Variants in COL28A1 observed in about 807,000 individuals in gnomAD.
COL28A1 encodes collagen alpha-1(XXVIII) chain.
Under a neutral mutation model 150.2 loss-of-function variants are expected in COL28A1, and 161 were observed. That is an observed-to-expected ratio of 1.07 (90% CI 0.94 to 1.22). The LOEUF (loss-of-function observed/expected upper bound fraction) is 1.22, where lower values mean the gene tolerates loss of function less well. COL28A1 is among the 50% of genes most tolerant of loss of function. The pLI, the probability that COL28A1 is intolerant of heterozygous loss-of-function variation, is 0.00. For synonymous variants in COL28A1, 552 were observed against 469.7 expected, an observed-to-expected ratio of 1.18 and a Z score of -2.26; for missense variants, 1,617 against 1,388.3, an observed-to-expected ratio of 1.16 and a Z score of -2.62.
At chr7:7,370,939 A>G (rs1781195921) in intron 32 of COL28A1, 57 bp from the exon 33 acceptor site, 10 of 1,233,040 alleles carry the variant, frequency 8.1e-6, no homozygotes, top group Non-Finnish European at 1.2e-5. Context: ...AATACTTAAA[A>G]CTCATTTAAA....
intron 11 of COL28A1, among the ~76,000 whole-genome samples, chr7:7,504,286 C>T (rs1478048153): frequency 6.6e-6 from 1 of 151,890 alleles, no homozygotes; most frequent in Non-Finnish European, 1.5e-5. Flanking sequence ...TCCTTGAGGC[C>T]AGGCATTCCA....
intron 27 of COL28A1, among the ~76,000 whole-genome samples, chr7:7,408,185 A>G (rs576546320): frequency 3.0e-4 from 45 of 152,222 alleles, no homozygotes; most frequent in African/African-American, 1.1e-3. Context: ...CGCTCTGACA[A>G]TGTGAAAGTT....
intron 31 of COL28A1, among the ~76,000 whole-genome samples, chr7:7,374,278 T>C (rs984604971): frequency 1.3e-5 from 2 of 152,084 alleles, no homozygotes; most frequent in African/African-American, 4.8e-5. Context: ...TATTTCAGTC[T>C]TCAACCATAG....
In COL28A1 at chr7:7,532,811, G is replaced by C. The variant is rs763884053; in HGVS notation, c.65C>G (p.Ser22Cys). ...LLSAFTSQTV[S>C]GQRKKGPKSN... ...TTTTGGTCCTTTCTTTCTTTGTCCGGATACTGTTTGACTCGTAAACGCTGA... is the reference window on the plus strand; with the variant it reads ...TTTTGGTCCTTTCTTTCTTTGTCCGCATACTGTTTGACTCGTAAACGCTGA... The change falls in exon 2 of 35, where the codon TCC (serine) becomes TGC (cysteine). Residue 22 changes from serine to cysteine, a missense_variant. Coordinates refer to ENST00000399429, the MANE Select transcript of COL28A1 (RefSeq NM_001037763.3). 6.2e-7 allele frequency: 1 copy of C among 1,612,176 alleles called. No individual in the cohort carries two copies. The highest frequency in any genetic ancestry group is 8.5e-7 in the Non-Finnish European group (1 of 1,179,318).
At chr7:7,391,153 G>A (rs894695175) in intron 27 of COL28A1, among the ~76,000 whole-genome samples, 2 of 152,054 alleles carry the variant, frequency 1.3e-5, no homozygotes, top group Non-Finnish European at 2.9e-5. Flanking sequence ...TTTAGCTGTG[G>A]CTCAGAGATT....
chr7:7,432,738 A>C, intron 23 of COL28A1, 38 bp from the exon 24 acceptor site: 1 of 1,509,456 alleles, frequency 6.6e-7, no homozygotes, highest in Non-Finnish European at 9.2e-7. Context: ...CATGAGACTC[A>C]ACTAGAAAAC....
chr7:7,402,593 C>T (rs1205168263), intron 27 of COL28A1, among the ~76,000 whole-genome samples: 2 of 152,168 alleles, frequency 1.3e-5, no homozygotes, highest in East Asian at 3.8e-4. Flanking sequence ...GACACCAGTT[C>T]TATCAGGCAC....
chr7:7,354,706 G>C (rs1380751308), downstream of COL28A1, among the ~76,000 whole-genome samples: 1 of 152,090 alleles, frequency 6.6e-6, no homozygotes, highest in African/African-American at 2.4e-5. Flanking sequence ...AAAATATTGG[G>C]ACACTTCCAT....
intron 27 of COL28A1, among the ~76,000 whole-genome samples, chr7:7,391,958 T>C (rs896702599): frequency 6.6e-6 from 1 of 152,206 alleles, no homozygotes; most frequent in Non-Finnish European, 1.5e-5. Context: ...TCTGTGTCTT[T>C]TAATTGGGGC....
At chr7:7,444,223 A>G (rs1786062983) in intron 19 of COL28A1, among the ~76,000 whole-genome samples, 195 bp downstream of exon 19, 1 of 152,130 alleles carries the variant, frequency 6.6e-6, no homozygotes, top group Non-Finnish European at 1.5e-5. Flanking sequence ...AGAGGATGTG[A>G]GACACTATCT....
chr7:7,372,615 T>C (rs756405421), intron 32 of COL28A1, among the ~76,000 whole-genome samples: 1 of 152,094 alleles, frequency 6.6e-6, no homozygotes, highest in Non-Finnish European at 1.5e-5. Context: ...TTAATTCATT[T>C]TGATTTCCTG....
At position 7,377,503 on chromosome 7, in the gene COL28A1, T is replaced by A. The variant is rs563649337; in HGVS notation, c.2323-2006A>T. Among the ~76,000 whole-genome samples the A allele has an allele frequency of 3.5e-4, 53 of 152,268 alleles. 1 individual carries two copies. The highest frequency in any genetic ancestry group is 3.4e-3 in the Middle Eastern group (1 of 294). ...GACTGTGGTCCAAGGAGGCAGACTCTGACCAGGCTGGGACAGGGAAGGGGA... is the reference window on the plus strand; with the variant it reads ...GACTGTGGTCCAAGGAGGCAGACTCAGACCAGGCTGGGACAGGGAAGGGGA... On this transcript the variant is annotated intron_variant, in intron 30 of 34. Coordinates refer to ENST00000399429, the MANE Select transcript of COL28A1 (RefSeq NM_001037763.3).
At chr7:7,405,394 T>G (rs536874642) in intron 27 of COL28A1, among the ~76,000 whole-genome samples, 1 of 152,210 alleles carries the variant, frequency 6.6e-6, no homozygotes, top group Non-Finnish European at 1.5e-5. Context: ...TTTCTAAAAC[T>G]GGCATAATAA....
chr7:7,409,461 A>G (rs1583309041), intron 27 of COL28A1, among the ~76,000 whole-genome samples: 1 of 151,946 alleles, frequency 6.6e-6, no homozygotes, highest in African/African-American at 2.4e-5. Flanking sequence ...AAAAGGAGAG[A>G]AAAAAAACCA....
intron 32 of COL28A1, 70 bp from the exon 33 acceptor site, chr7:7,370,952 G>C (rs1002364213): frequency 9.8e-7 from 1 of 1,018,522 alleles, no homozygotes; most frequent in Non-Finnish European, 1.5e-6. Context: ...CATTTAAAAA[G>C]ATCTGCACTC....
intron 22 of COL28A1, among the ~76,000 whole-genome samples, chr7:7,436,814 C>A (rs182577613): frequency 4.3e-4 from 65 of 152,164 alleles, no homozygotes; most frequent in Non-Finnish European, 9.0e-4. Flanking sequence ...CCAAGGCAGG[C>A]GGGTCACTTG....
upstream of COL28A1, among the ~76,000 whole-genome samples, chr7:7,537,586 C>T (rs1405980797): frequency 6.6e-6 from 1 of 152,178 alleles, no homozygotes; most frequent in South Asian, 2.1e-4. Context: ...GAACTTTTAA[C>T]TCAGGCTGGT....
intron 23 of COL28A1, among the ~76,000 whole-genome samples, chr7:7,434,574 A>T (rs1169873449): frequency 6.6e-6 from 1 of 152,224 alleles, no homozygotes; most frequent in African/African-American, 2.4e-5. Context: ...AATTGTCAGC[A>T]GCTGCTCTTG....
rs763349702 is a variant in COL28A1, at chr7:7,432,643, G to A, written c.1918C>T (p.Pro640Ser). 2 of 1,614,004 alleles carry A rather than the reference G, an allele frequency of 1.2e-6. No homozygotes were observed. The highest frequency in any genetic ancestry group is 2.2e-5 in the South Asian group (2 of 91,066). Residue 640 changes from proline (P) to serine (S), a missense_variant, in exon 24 of 35, where the codon CCT becomes TCT. By Grantham distance (74) the Pro-to-Ser change is moderately conservative. Transcript: ENST00000399429. ...GAPGLKGDGY[P>S]GVPGPRGLPG... ...AATGTCCCACTTACAGGCACACCAG[G>A]ATAGCCATCACCTTTGAGTCCTGGA...
Sources: gnomAD v4.1 joint callset for allele counts (sites outside exome capture counted in the v4.1 genomes callset) on GRCh38, gnomAD v4.1.1 for gene constraint, MANE v1.5 for transcripts, NCBI Gene and HGNC (gene_info 2026-07-23, HGNC 2026-07-21) for gene names.